The following SFMBT1 variants were observed in gnomAD, a reference collection of about 807,000 sequenced individuals.
The protein encoded by SFMBT1 is scm-like with four MBT domains protein 1.
Under a neutral mutation model 108.7 loss-of-function variants are expected in SFMBT1, and 32 were observed. That is an observed-to-expected ratio of 0.29 (90% confidence interval 0.22 to 0.40). SFMBT1 has a LOEUF of 0.40. Ranked by LOEUF, SFMBT1 falls within the 10% of genes least tolerant of loss-of-function variation. The pLI, the probability that SFMBT1 is intolerant of heterozygous loss-of-function variation, is 1.00. For synonymous variants in SFMBT1, 348 were observed against 369.5 expected (o/e 0.94, Z 0.67); for missense variants, 816 against 1,059.6 (o/e 0.77, Z 3.19).
chr3:52,944,789 G>A (rs1191137510), intron 3 of SFMBT1, among the ~76,000 whole-genome samples: 1 of 151,972 alleles, frequency 6.6e-6, no homozygotes, highest in Non-Finnish European at 1.5e-5. Context: ...CCAAAGTGTT[G>A]GGATTACAGG....
At chr3:52,910,879 TG>T in intron 17 of SFMBT1, 123 bp downstream of exon 17, 1 of 727,562 alleles carries the variant, frequency 1.4e-6, no homozygotes, top group Non-Finnish European at 2.4e-6. Flanking sequence ...ATTTATCATC[TG>T]GCCCTTTACA....
Position 53,034,091 on chromosome 3 carries a change from A to T in SFMBT1, c.-131+11725T>A, listed in dbSNP as rs1035987576. On this transcript the variant is annotated intron_variant, in intron 1 of 20. Transcript: ENST00000394752. ...GTCTCCAAAAAAAAAAAAAAAAAAA[A>T]AAAAATCAACAATTCCTTAATATCA... 1.8e-4 allele frequency among the ~76,000 whole-genome samples: 27 copies of T among 151,498 alleles called. No homozygotes were observed. The South Asian group carries it at 2.5e-3, about 14-fold the overall frequency.
intron 1 of SFMBT1, among the ~76,000 whole-genome samples, chr3:52,993,180 A>C (rs1705198258): frequency 7.5e-6 from 1 of 132,598 alleles, no homozygotes; most frequent in Non-Finnish European, 1.8e-5. Context: ...CAAAAGCCTT[A>C]ACATTTATAA....
At chr3:52,943,049 G>C (rs1351134074) in intron 4 of SFMBT1, among the ~76,000 whole-genome samples, 1 of 152,098 alleles carries the variant, frequency 6.6e-6, no homozygotes, top group South Asian at 2.1e-4. Flanking sequence ...CTGGCCCAAC[G>C]GGCTTAAAAA....
intron 1 of SFMBT1, among the ~76,000 whole-genome samples, chr3:53,037,356 A>G (rs993244194): frequency 5.9e-5 from 9 of 152,332 alleles, no homozygotes; most frequent in African/African-American, 1.2e-4. Flanking sequence ...GAGGAGCCCA[A>G]TTGAATACTT....
chr3:53,023,475 G>A (rs1005078219), intron 1 of SFMBT1, among the ~76,000 whole-genome samples: 3 of 152,182 alleles, frequency 2.0e-5, no homozygotes, highest in Non-Finnish European at 4.4e-5. Context: ...AAACTACTCA[G>A]TTTAATTTGT....
intron 10 of SFMBT1, 127 bp downstream of exon 10, chr3:52,925,904 A>G (rs552340830): frequency 4.6e-5 from 35 of 761,900 alleles, no homozygotes; most frequent in Non-Finnish European, 4.3e-5. Flanking sequence ...ATGTGATTAC[A>G]ATCACCACTG....
intron 12 of SFMBT1, among the ~76,000 whole-genome samples, chr3:52,918,743 G>T (rs997424554): frequency 6.6e-6 from 1 of 151,866 alleles, no homozygotes; most frequent in African/African-American, 2.4e-5. Context: ...TTTCTTAGTA[G>T]GGATCTTTAT....
intron 4 of SFMBT1, 28 bp from the exon 5 acceptor site, chr3:52,934,929 C>T (rs372055901): frequency 1.3e-6 from 2 of 1,580,748 alleles, no homozygotes; most frequent in Non-Finnish European, 1.7e-6. Flanking sequence ...TGACTGATTA[C>T]TCAAAATGCC....
At position 52,918,479 on chromosome 3, in the gene SFMBT1, C is replaced by T; in HGVS notation, c.1415+5G>A. 6.4e-7 allele frequency: 1 copy of T among 1,561,656 alleles called. No homozygotes were observed. The highest frequency in any genetic ancestry group is 8.6e-7 in the Non-Finnish European group (1 of 1,159,598). ...GTAAACTGTTCATATTATTACGTTA[C>T]TTACTGTTTTTCTGGCTGAACCACT... On this transcript the variant is annotated splice_donor_5th_base_variant and intron_variant, in intron 13 of 20. Transcript: ENST00000394752.
chr3:52,918,405 TG>T, intron 13 of SFMBT1, 78 bp downstream of exon 13: 1 of 1,133,070 alleles, frequency 8.8e-7, no homozygotes, highest in Non-Finnish European at 1.2e-6. Flanking sequence ...TCTGAGAAAA[TG>T]AGGAAATATA....
rs541589128 is a variant in SFMBT1, at chr3:53,002,256, G to A, written c.-130-32998C>T. ...CTACTAAAAATACAAAAAATTAGCC[G>A]GGCGTGGTGGCGGGCACCTGTAGTC... On this transcript the variant is annotated intron_variant, in intron 1 of 20. Coordinates refer to ENST00000394752, the MANE Select transcript of SFMBT1 (RefSeq NM_016329.4). 8.7e-5 allele frequency among the ~76,000 whole-genome samples: 13 copies of A among 148,856 alleles called. No homozygotes were observed. The East Asian group carries it at 1.2e-3, about 14-fold the overall frequency.
rs181223129 is a variant in SFMBT1, at chr3:52,997,525, G to C, written c.-130-28267C>G. On this transcript the variant is annotated intron_variant, in intron 1 of 20. Coordinates refer to ENST00000394752, the MANE Select transcript of SFMBT1 (RefSeq NM_016329.4). ...CACTCCAGCCTGGGTGACAGAGCGA[G>C]AGTCCATCTCAAAAAAAAAAAGAAA... Among the ~76,000 whole-genome samples, 98 of 147,948 alleles carry C rather than the reference G, an allele frequency of 6.6e-4. 6 individuals carry two copies. Among genetic ancestry groups the C allele is most frequent in the African/African-American group, 1.1e-3 (46 of 40,674 alleles).
chr3:52,922,131 T>C (rs1343936606), intron 10 of SFMBT1, among the ~76,000 whole-genome samples: 2 of 152,186 alleles, frequency 1.3e-5, no homozygotes, highest in Non-Finnish European at 2.9e-5. Context: ...CAGATGAGGT[T>C]GAGAACTCCC....
intron 1 of SFMBT1, among the ~76,000 whole-genome samples, chr3:52,981,529 A>ATTTTTTT (rs34406724): frequency 7.5e-6 from 1 of 133,052 alleles, no homozygotes; most frequent in Non-Finnish European, 1.6e-5. Context: ...TGCTCAGCTA[A>ATTTTTTT]TTTTTTTTTT....
Position 52,906,178 on chromosome 3 carries a change from C to T in SFMBT1, c.2395G>A (p.Ala799Thr). The T allele has an allele frequency of 1.2e-6, 2 of 1,614,134 alleles. No homozygotes were observed. The highest frequency in any genetic ancestry group is 1.7e-6 in the Non-Finnish European group (2 of 1,179,978). The change falls in exon 20 of 21, where the codon GCA (alanine) becomes ACA (threonine). Residue 799 changes from alanine to threonine, a missense_variant. Physicochemically the swap from Ala to Thr is moderately conservative, Grantham distance 58 (BLOSUM62 0). Around this residue, in one of 5 missense-constraint regions of SFMBT1, gnomAD observed 49 missense variants for 91.8 expected, o/e 0.53. Transcript: ENST00000394752. ...GATCTGATGAACCGCACAACGTCTG[C>T]CACACTCCACTTCAAGGGGTTACTG... ...LDSNPLKWSV[A>T]DVVRFIRSTD... is the part of the protein sequence containing the mutation.
chr3:53,018,695 T>C (rs1315649685), intron 1 of SFMBT1, among the ~76,000 whole-genome samples: 2 of 152,252 alleles, frequency 1.3e-5, no homozygotes, highest in Non-Finnish European at 2.9e-5. Flanking sequence ...TCACTGGTAC[T>C]GCTCTTGTCC....
chr3:52,956,417 G>A (rs532055667), intron 2 of SFMBT1, among the ~76,000 whole-genome samples: 12 of 152,136 alleles, frequency 7.9e-5, no homozygotes, highest in South Asian at 2.1e-4. Context: ...CTGAGATCAC[G>A]CCACTGCACT....
intron 3 of SFMBT1, among the ~76,000 whole-genome samples, chr3:52,945,136 T>TAAAAAAAAAAAACAAAAAAAAAAA (rs1553636663): frequency 4.1e-5 from 2 of 48,540 alleles, no homozygotes; most frequent in South Asian, 1.3e-3. Flanking sequence ...ACCTTCCAAT[T>TAAAAAAAAAAAACAAAAAAAAAAA]AAAAAAAAAA....
Sources: allele counts gnomAD v4.1 joint callset (sites outside exome capture counted in the v4.1 genomes callset), GRCh38; gene constraint gnomAD v4.1.1; regional missense constraint gnomAD v4.1.1; transcripts MANE v1.5; gene names NCBI Gene and HGNC (gene_info 2026-07-23, HGNC 2026-07-21).